SLC11A2: variants seen among roughly 807,000 people sequenced by gnomAD.
SLC11A2 encodes the protein solute carrier family 11 member 2, also known as natural resistance-associated macrophage protein 2.
SLC11A2 carries 38 observed loss-of-function variants against 68.0 expected under a neutral mutation model. That is an observed-to-expected ratio of 0.56 (90% CI 0.43 to 0.73). SLC11A2 has a LOEUF of 0.73. Ranked by LOEUF, SLC11A2 falls within the 30% of genes least tolerant of loss-of-function variation. The probability of loss-of-function intolerance (pLI) is 0.00; values close to 1 mark genes in which losing one functional copy is unlikely to be tolerated. For synonymous variants in SLC11A2, 242 were observed against 250.6 expected (o/e 0.97, Z 0.32); for missense variants, 517 against 690.5 (o/e 0.75, Z 2.82).
intron 3 of SLC11A2, among the ~76,000 whole-genome samples, chr12:51,007,741 A>G (rs453313): frequency 0.15 from 23,408 of 151,344 alleles, 2,239 homozygotes; most frequent in East Asian, 0.46. Flanking sequence ...CCTAGGCTCA[A>G]GTGATCCTTC....
rs188174746 is a variant in SLC11A2, at chr12:51,022,297, T to C, written c.-39+4013A>G. 2.2e-4 allele frequency among the ~76,000 whole-genome samples: 33 copies of C among 151,874 alleles called. 1 individual carries two copies. The East Asian group carries it at 5.2e-3, about 24-fold the overall frequency. The stretch of plus-strand genomic sequence containing the variant: ...AGAAAATTCCCTATTAGACTGGCCA[T>C]GGTGGCTCACATCTGTAATCCCTTA... On this transcript the variant is annotated intron_variant, in intron 1 of 15. Coordinates refer to ENST00000262052, the MANE Select transcript of SLC11A2 (RefSeq NM_000617.3).
chr12:50,999,869 A>T (rs1384611248), intron 6 of SLC11A2, among the ~76,000 whole-genome samples: 1 of 152,002 alleles, frequency 6.6e-6, no homozygotes, highest in Admixed American at 6.6e-5. Flanking sequence ...TTAGCTGGAC[A>T]TGGTGGCAGG....
downstream of SLC11A2, chr12:50,980,154 T>C (rs1469487209): frequency 2.8e-6 from 1 of 354,128 alleles, no homozygotes; most frequent in Non-Finnish European, 5.6e-6. Flanking sequence ...TAAGCCCAGG[T>C]GGCAGAAGTT....
chr12:50,965,287 A>ATT, the SLC11A2 span, among the ~76,000 whole-genome samples: 123 of 134,560 alleles, frequency 9.1e-4, no homozygotes, highest in Middle Eastern at 4.0e-3. Flanking sequence ...CTAATTTTTA[A>ATT]TTTTTTTTTT....
intron 5 of SLC11A2, 159 bp from the exon 6 acceptor site, chr12:51,000,578 C>A: frequency 1.5e-6 from 1 of 671,848 alleles, no homozygotes; most frequent in South Asian, 1.7e-5. Flanking sequence ...CTTGGCCGAT[C>A]ACTGCACTGT....
At chr12:51,028,362 T>C, upstream of SLC11A2, 1 of 583,490 alleles carries the variant, frequency 1.7e-6, no homozygotes, top group Non-Finnish European at 3.0e-6. Context: ...GCAAGGAATT[T>C]CAAGAGGCAA....
At chr12:50,977,361 C>T (rs192609789), downstream of SLC11A2, among the ~76,000 whole-genome samples, 4,314 of 152,236 alleles carry the variant, frequency 0.028, 209 homozygotes, top group African/African-American at 0.099. Flanking sequence ...AACCATCTGA[C>T]CTTTGACAAA....
At chr12:51,026,545 G>A, upstream of SLC11A2, 1 of 349,556 alleles carries the variant, frequency 2.9e-6, no homozygotes, top group Non-Finnish European at 5.3e-6. Context: ...GGCACGCGGC[G>A]GCCCCTGGGG....
At chr12:51,007,056 T>C (rs1942790665) in intron 3 of SLC11A2, among the ~76,000 whole-genome samples, 1 of 152,090 alleles carries the variant, frequency 6.6e-6, no homozygotes, top group Non-Finnish European at 1.5e-5. Context: ...TGTCAATCAA[T>C]TTCCAATCAG....
At chr12:50,952,765 G>C in the SLC11A2 span, among the ~76,000 whole-genome samples, 1 of 152,208 alleles carries the variant, frequency 6.6e-6, no homozygotes, top group Non-Finnish European at 1.5e-5. Flanking sequence ...CAACTGCAGG[G>C]AGCGCACCTC....
downstream of SLC11A2, chr12:50,980,997 G>A (rs1179697005): frequency 1.3e-5 from 2 of 152,194 alleles, no homozygotes; most frequent in African/African-American, 4.8e-5. Flanking sequence ...GGATATTAAA[G>A]CTCTTTGGCA....
the SLC11A2 span, chr12:50,953,959 C>G: frequency 2.5e-6 from 3 of 1,178,220 alleles, no homozygotes; most frequent in Non-Finnish European, 3.8e-6. Flanking sequence ...TAATGATTCA[C>G]GGCAACCACA....
At position 50,999,391 on chromosome 12, in the gene SLC11A2, G is replaced by A. The variant is rs1357179618; in HGVS notation, c.561C>T (p.Leu187=). The change falls in exon 7 of 16, where the codon CTC becomes CTT. Residue 187 remains leucine, a synonymous_variant. Coordinates refer to ENST00000262052, the MANE Select transcript of SLC11A2 (RefSeq NM_000617.3). ...ATACAAAAGTATCTGCAATGGTGAT[G>A]AGAACGCCACCCCACAGAGGAATTC... The part of the protein sequence containing the change: ...VGRIPLWGGV[L]ITIADTFVFL... 6.2e-7 allele frequency: 1 copy of A among 1,613,722 alleles called. No homozygotes were observed. Among genetic ancestry groups the A allele is most frequent in the Non-Finnish European group, 8.5e-7 (1 of 1,179,758 alleles).
intron 9 of SLC11A2, among the ~76,000 whole-genome samples, chr12:50,996,254 T>C (rs1023175582): frequency 2.0e-5 from 3 of 152,206 alleles, no homozygotes; most frequent in Non-Finnish European, 2.9e-5. Flanking sequence ...CACAAGAGAC[T>C]TGATGCACTT....
At chr12:50,977,246 T>C (rs984458644), downstream of SLC11A2, among the ~76,000 whole-genome samples, 24 of 152,180 alleles carry the variant, frequency 1.6e-4, no homozygotes, top group Non-Finnish European at 1.0e-4. Context: ...CTTCAAACTA[T>C]ACTACCAGGC....
At chr12:51,002,673 A>ACT (rs1239850778) in intron 5 of SLC11A2, among the ~76,000 whole-genome samples, 2 of 140,678 alleles carry the variant, frequency 1.4e-5, no homozygotes, top group African/African-American at 5.2e-5. Flanking sequence ...CAGGCGCAGT[A>ACT]GCTCACGCCT....
In SLC11A2 at chr12:51,025,916, C is replaced by T; in HGVS notation, c.-39+394G>A. 5 of 989,478 alleles carry T rather than the reference C, an allele frequency of 5.1e-6. No homozygotes were observed. The South Asian group carries it at 1.3e-4, about 26-fold the overall frequency. The allele number at this position is 989,478 out of a possible 1,614,324, so 61.3% of individuals were successfully genotyped here. Reference sequence around the variant, plus strand: ...CCCCCTGCGGCGCCGACGAAGAGGCCACGAAAGACCTTGCCCTGTGCCCGT... The same window carrying T: ...CCCCCTGCGGCGCCGACGAAGAGGCTACGAAAGACCTTGCCCTGTGCCCGT... On this transcript the variant is annotated intron_variant, in intron 1 of 15. Transcript: ENST00000262052.
chr12:50,998,883 T>C (rs1341500808), intron 8 of SLC11A2, among the ~76,000 whole-genome samples: 1 of 152,156 alleles, frequency 6.6e-6, no homozygotes, highest in Non-Finnish European at 1.5e-5. Context: ...ACACTATCCA[T>C]GGCTGTTCTG....
At chr12:50,976,231 C>T (rs967658431), downstream of SLC11A2, among the ~76,000 whole-genome samples, 8 of 152,252 alleles carry the variant, frequency 5.3e-5, no homozygotes, top group African/African-American at 1.7e-4. Flanking sequence ...AACATTGATG[C>T]AAAAATCCTC....
Sources: allele counts gnomAD v4.1 joint callset (sites outside exome capture counted in the v4.1 genomes callset), GRCh38; gene constraint gnomAD v4.1.1; transcripts MANE v1.5; gene names NCBI Gene and HGNC (gene_info 2026-07-23, HGNC 2026-07-21).